FBXL7: variants seen among roughly 807,000 people sequenced by gnomAD.
FBXL7 encodes F-box/LRR-repeat protein 7.
FBXL7 carries 12 observed loss-of-function variants against 38.3 expected under a neutral mutation model. The ratio of observed to expected loss-of-function variants is 0.31; its 90% CI spans 0.20 to 0.51. The LOEUF (loss-of-function observed/expected upper bound fraction) is 0.51, where lower values mean the gene tolerates loss of function less well. Among genes scored for constraint, FBXL7 ranks in the 20% least tolerant of loss-of-function variants. The pLI is 0.98. For synonymous variants in FBXL7, 297 were observed against 300.9 expected (o/e 0.99, Z 0.13); for missense variants, 567 against 676.4 (o/e 0.84, Z 1.79).
chr5:15,846,167 A>G (rs1738897579), intron 2 of FBXL7, among the ~76,000 whole-genome samples: 1 of 152,226 alleles, frequency 6.6e-6, no homozygotes, highest in Non-Finnish European at 1.5e-5. Context: ...ATCACAATGA[A>G]TGAATCCTTT....
At chr5:15,821,243 AAAT>A (rs1335537771) in intron 2 of FBXL7, among the ~76,000 whole-genome samples, 2 of 152,224 alleles carry the variant, frequency 1.3e-5, no homozygotes, top group Non-Finnish European at 1.5e-5. Flanking sequence ...TCTTTTCATA[AAAT>A]AATTTTTTTA....
intron 2 of FBXL7, among the ~76,000 whole-genome samples, chr5:15,670,821 T>TA (rs139515877): frequency 1.5e-4 from 22 of 148,958 alleles, no homozygotes; most frequent in East Asian, 7.9e-4. Flanking sequence ...AAAATAAAAA[T>TA]AAAAAAAAAA....
intron 1 of FBXL7, among the ~76,000 whole-genome samples, chr5:15,530,423 A>C (rs796079577): frequency 9.2e-5 from 14 of 152,300 alleles, no homozygotes; most frequent in African/African-American, 3.1e-4. Context: ...AGAATTAATA[A>C]ATGAGCCTTA....
intron 2 of FBXL7, among the ~76,000 whole-genome samples, chr5:15,790,393 T>C (rs901707668): frequency 2.6e-5 from 4 of 152,072 alleles, no homozygotes; most frequent in Admixed American, 1.3e-4. Context: ...ACTGTAAAAT[T>C]AGAGAGTAGA....
intron 1 of FBXL7, among the ~76,000 whole-genome samples, chr5:15,532,283 T>C (rs956091111): frequency 2.2e-4 from 34 of 152,314 alleles, no homozygotes; most frequent in African/African-American, 7.9e-4. Context: ...TTTAATAATA[T>C]TGCCCTACAC....
intron 2 of FBXL7, among the ~76,000 whole-genome samples, chr5:15,828,038 CCA>C (rs1368719119): frequency 6.6e-6 from 1 of 152,176 alleles, no homozygotes; most frequent in Non-Finnish European, 1.5e-5. Flanking sequence ...AGATAGGCAA[CCA>C]TCCAGGCTTT....
intron 2 of FBXL7, among the ~76,000 whole-genome samples, chr5:15,856,796 A>T (rs1223600468): frequency 6.6e-6 from 1 of 151,182 alleles, no homozygotes; most frequent in African/African-American, 2.4e-5. Flanking sequence ...GTGTTTTTCC[A>T]CTTGGCTGTT....
At chr5:15,796,299 C>T (rs1024374602) in intron 2 of FBXL7, among the ~76,000 whole-genome samples, 1 of 152,036 alleles carries the variant, frequency 6.6e-6, no homozygotes, top group Admixed American at 6.5e-5. Flanking sequence ...AACTGCAGCC[C>T]TCGGGCCAAA....
Position 15,745,237 on chromosome 5 carries a change from G to C in FBXL7, c.127+129165G>C, listed in dbSNP as rs552137813. On this transcript the variant is annotated intron_variant, in intron 2 of 3. Coordinates refer to ENST00000504595, the MANE Select transcript of FBXL7 (RefSeq NM_012304.5). ...AAGTGTATTATTTCTCAAAAAAAAG[G>C]AATAAAATGAATGAATGAGTGATAA... Among the ~76,000 whole-genome samples, 14 of 151,862 alleles carry C rather than the reference G, an allele frequency of 9.2e-5. 1 individual carries two copies. In the South Asian group the frequency reaches 2.9e-3, roughly 32 times the overall value.
intron 2 of FBXL7, among the ~76,000 whole-genome samples, chr5:15,713,911 A>G (rs550930724): frequency 6.6e-6 from 1 of 152,194 alleles, no homozygotes; most frequent in Non-Finnish European, 1.5e-5. Context: ...AAATACCTAC[A>G]CTGTCCTTGG....
intron 2 of FBXL7, among the ~76,000 whole-genome samples, chr5:15,739,500 TTTTATCACAA>T (rs1001163668): frequency 7.3e-5 from 11 of 151,576 alleles, no homozygotes; most frequent in South Asian, 4.2e-4. Context: ...TAGAACTTTT[TTTTATCACAA>T]CAAGAAATCT....
chr5:15,776,814 A>T (rs1237841874), intron 2 of FBXL7, among the ~76,000 whole-genome samples: 1 of 152,148 alleles, frequency 6.6e-6, no homozygotes, highest in African/African-American at 2.4e-5. Flanking sequence ...ATAACAATGG[A>T]TAATGGTAAC....
At chr5:15,654,955 A>G (rs964494272) in intron 2 of FBXL7, among the ~76,000 whole-genome samples, 19 of 152,222 alleles carry the variant, frequency 1.2e-4, no homozygotes, top group Non-Finnish European at 2.4e-4. Flanking sequence ...CACGCTAGAA[A>G]ATTTCTCAGA....
rs773726571 is a variant in FBXL7 at position 15,818,737 on chromosome 5, TGTGTGTGAGA to T, written c.128-109151_128-109142del. ...GTGTGTGTGTGTGTGTGTGTGTGTG[TGTGTGTGAGA>T]GAGAGAGAGATTTAAAATTCCCATG... On this transcript the variant is annotated intron_variant, in intron 2 of 3. Transcript: ENST00000504595. Among the ~76,000 whole-genome samples, 851 of 115,258 alleles carry T rather than the reference TGTGTGTGAGA, an allele frequency of 7.4e-3. 16 individuals carry two copies. The highest frequency in any genetic ancestry group is 0.072 in the South Asian group (258 of 3,588). 75.6% of individuals were successfully genotyped at this position (115,258 alleles called of 152,430 possible). A position where few individuals can be genotyped will look rare whatever the true frequency, so the allele number is the denominator to read the frequency against.
Position 15,863,008 on chromosome 5 carries a change from T to A in FBXL7, c.128-64882T>A, listed in dbSNP as rs1739541534. Among the ~76,000 whole-genome samples the A allele has an allele frequency of 2.0e-5, 3 of 152,188 alleles. No homozygotes were observed. In the South Asian group the frequency reaches 6.2e-4, roughly 32 times the overall value. On this transcript the variant is annotated intron_variant, in intron 2 of 3. Transcript: ENST00000504595. ...TGCACATCTGTGTGTATTGAGAGCA[T>A]GTTCTTATGTATGGGTGTGTGTACA... is the stretch of plus-strand genomic sequence containing the variant.
At position 15,937,473 on chromosome 5, in the gene FBXL7, G is replaced by A. The variant is rs892045016; in HGVS notation, c.*287G>A. The A allele has an allele frequency of 1.7e-5, 6 of 350,068 alleles. No individual in the cohort carries two copies. The highest frequency in any genetic ancestry group is 8.1e-4 in the Middle Eastern group (1 of 1,230). 21.7% of individuals were successfully genotyped at this position (350,068 alleles called of 1,614,324 possible). A position where few individuals can be genotyped will look rare whatever the true frequency, so the allele number is the denominator to read the frequency against. ...CTGATCGCTGTTCCTTGAGCAAGGC[G>A]CTTACTCTCCTCCGCTCAGGCCCCC... On this transcript the variant is annotated 3_prime_UTR_variant, in exon 4 of 4. Transcript: ENST00000504595.
intron 2 of FBXL7, among the ~76,000 whole-genome samples, chr5:15,620,428 T>A (rs1411988869): frequency 6.7e-6 from 1 of 149,728 alleles, no homozygotes; most frequent in Non-Finnish European, 1.5e-5. Flanking sequence ...TTTTTTTTTT[T>A]AAGTAGAAAC....
intron 1 of FBXL7, among the ~76,000 whole-genome samples, chr5:15,509,212 G>T (rs1051454273): frequency 6.6e-6 from 1 of 152,180 alleles, no homozygotes; most frequent in African/African-American, 2.4e-5. Context: ...CAGAGTGGCA[G>T]TTCTTCCTCC....
intron 2 of FBXL7, among the ~76,000 whole-genome samples, chr5:15,634,340 AAGAC>A (rs1741106550): frequency 1.8e-5 from 2 of 110,574 alleles, no homozygotes; most frequent in Admixed American, 8.5e-5. Flanking sequence ...TTTTTTTTAA[AAGAC>A]AGAGTCTCGT....
Sources: gnomAD v4.1 joint callset for allele counts (sites outside exome capture counted in the v4.1 genomes callset) on GRCh38, gnomAD v4.1.1 for gene constraint, MANE v1.5 for transcripts, NCBI Gene and HGNC (gene_info 2026-07-23, HGNC 2026-07-21) for gene names.